The following GLRA1 variants were observed in gnomAD, a reference collection of about 807,000 sequenced individuals.
GLRA1 encodes glycine receptor alpha 1.
Under a neutral mutation model 48.3 loss-of-function variants are expected in GLRA1, and 37 were observed. The ratio of observed to expected loss-of-function variants is 0.77; its 90% CI spans 0.59 to 1.01. The LOEUF is 1.01. Ranked by LOEUF, GLRA1 falls within the 50% of genes least tolerant of loss-of-function variation. The pLI is 0.00. For missense variants in GLRA1, 427 were observed against 571.0 expected (o/e 0.75, Z 2.57); for synonymous variants, 196 against 210.7 (o/e 0.93, Z 0.60).
At chr5:151,865,923 T>C (rs1369069991) in intron 3 of GLRA1, among the ~76,000 whole-genome samples, 1 of 152,166 alleles carries the variant, frequency 6.6e-6, no homozygotes, top group African/African-American at 2.4e-5. Flanking sequence ...TCAGAAGAGA[T>C]CAATGTAATT....
chr5:151,866,583 G>T (rs1291121498), intron 3 of GLRA1, among the ~76,000 whole-genome samples: 1 of 152,158 alleles, frequency 6.6e-6, no homozygotes. Flanking sequence ...AAAAGAACCA[G>T]ATTCTTATAC....
intron 7 of GLRA1, among the ~76,000 whole-genome samples, chr5:151,843,523 A>C (rs993625684): frequency 1.3e-5 from 2 of 151,944 alleles, no homozygotes; most frequent in Non-Finnish European, 2.9e-5. Flanking sequence ...AGCCTCCCAA[A>C]GTGCTGGGAT....
intron 8 of GLRA1, among the ~76,000 whole-genome samples, chr5:151,824,960 GT>G (rs1395509678): frequency 1.3e-5 from 2 of 152,046 alleles, no homozygotes; most frequent in African/African-American, 2.4e-5. Flanking sequence ...TTTTGTTGTT[GT>G]TGTTTGTTTA....
chr5:151,907,910 T>C (rs1432903866), intron 1 of GLRA1, among the ~76,000 whole-genome samples: 1 of 152,240 alleles, frequency 6.6e-6, no homozygotes, highest in Non-Finnish European at 1.5e-5. Context: ...AATGTTGCAG[T>C]TGTGGCTCCC....
chr5:151,832,893 C>T (rs1005751976), intron 7 of GLRA1, among the ~76,000 whole-genome samples: 3 of 152,116 alleles, frequency 2.0e-5, no homozygotes, highest in African/African-American at 4.8e-5. Flanking sequence ...TAGGGGCAGC[C>T]AGAGGGAAAG....
intron 1 of GLRA1, among the ~76,000 whole-genome samples, chr5:151,910,874 G>T (rs1754591683): frequency 6.6e-6 from 1 of 152,182 alleles, no homozygotes; most frequent in African/African-American, 2.4e-5. Context: ...TTGTTTAGTT[G>T]TTTGTACCCC....
chr5:151,873,623 G>A (rs535429122), intron 3 of GLRA1, among the ~76,000 whole-genome samples: 4 of 148,394 alleles, frequency 2.7e-5, no homozygotes, highest in Admixed American at 1.4e-4. Flanking sequence ...TTGAGATCAC[G>A]CCACTGCACT....
intron 7 of GLRA1, among the ~76,000 whole-genome samples, chr5:151,843,415 C>T (rs1752562954): frequency 6.6e-6 from 1 of 151,938 alleles, no homozygotes; most frequent in Non-Finnish European, 1.5e-5. Context: ...CACCTGCCAC[C>T]ATGCCTGGCT....
chr5:151,881,449 C>T (rs187688557), intron 3 of GLRA1, among the ~76,000 whole-genome samples: 3 of 151,178 alleles, frequency 2.0e-5, no homozygotes, highest in East Asian at 3.9e-4. Context: ...GCCCCTGCTC[C>T]AGGAGTAGCT....
At chr5:151,921,104 G>C (rs1476162026) in intron 1 of GLRA1, among the ~76,000 whole-genome samples, 1 of 152,214 alleles carries the variant, frequency 6.6e-6, no homozygotes, top group Non-Finnish European at 1.5e-5. Context: ...CATCTACTGG[G>C]ATGGAAGAGG....
intron 8 of GLRA1, among the ~76,000 whole-genome samples, chr5:151,824,607 C>T (rs1763225789): frequency 6.6e-6 from 1 of 152,144 alleles, no homozygotes; most frequent in South Asian, 2.1e-4. Context: ...GCCTAGAACA[C>T]ACTCTGAACC....
intron 3 of GLRA1, among the ~76,000 whole-genome samples, chr5:151,862,261 A>C (rs1338244373): frequency 2.0e-5 from 3 of 152,164 alleles, no homozygotes; most frequent in African/African-American, 4.8e-5. Flanking sequence ...CCTTCCTTAC[A>C]CCTTATACAA....
At chr5:151,869,535 G>A (rs914161502) in intron 3 of GLRA1, among the ~76,000 whole-genome samples, 19 of 151,264 alleles carry the variant, frequency 1.3e-4, no homozygotes, top group East Asian at 3.9e-4. Flanking sequence ...CCAACATGGC[G>A]AAACCCCGTC....
At chr5:151,846,675 C>T (rs558310757) in intron 7 of GLRA1, among the ~76,000 whole-genome samples, 2 of 152,274 alleles carry the variant, frequency 1.3e-5, no homozygotes, top group South Asian at 4.1e-4. Context: ...AAACAAAAAA[C>T]AGCTGGGAGA....
At chr5:151,893,814 A>G (rs1459241080) in intron 1 of GLRA1, among the ~76,000 whole-genome samples, 1 of 152,246 alleles carries the variant, frequency 6.6e-6, no homozygotes, top group Non-Finnish European at 1.5e-5. Context: ...GTGCTGCAAT[A>G]AACATACATG....
chr5:151,860,761 T>A (rs545861017), intron 3 of GLRA1, among the ~76,000 whole-genome samples: 1 of 152,330 alleles, frequency 6.6e-6, no homozygotes, highest in South Asian at 2.1e-4. Flanking sequence ...AGTTCTAGGG[T>A]ACATGTGCAC....
chr5:151,835,026 TCA>T (rs1491282757), intron 7 of GLRA1, among the ~76,000 whole-genome samples: 23 of 25,460 alleles, frequency 9.0e-4, no homozygotes, highest in African/African-American at 2.4e-3. Context: ...AGACAACATC[TCA>T]AAAAAAAAAA....
rs148473948 is a variant in GLRA1, at chr5:151,916,399, G to A, written c.56+8095C>T. On this transcript the variant is annotated intron_variant, in intron 1 of 8. Transcript: ENST00000274576. The stretch of plus-strand genomic sequence containing the variant: ...CTTGCCGCATTCCTCTGGAGCTGGC[G>A]AATGTTGCAGAACTGAGCACACAGC... 7.7e-3 allele frequency among the ~76,000 whole-genome samples: 1,173 copies of A among 152,330 alleles called. 6 individuals are homozygous for A. The highest frequency in any genetic ancestry group is 0.012 in the Non-Finnish European group (799 of 68,026).
At chr5:151,831,466 A>G (rs1388514403) in intron 7 of GLRA1, among the ~76,000 whole-genome samples, 1 of 152,122 alleles carries the variant, frequency 6.6e-6, no homozygotes, top group African/African-American at 2.4e-5. Flanking sequence ...TGGTGGGGGG[A>G]GGAGTGTCCA....
Sources: allele counts gnomAD v4.1 joint callset (sites outside exome capture counted in the v4.1 genomes callset), GRCh38; gene constraint gnomAD v4.1.1; transcripts MANE v1.5; gene names NCBI Gene and HGNC (gene_info 2026-07-23, HGNC 2026-07-21).